The following CORO1C variants were observed in gnomAD, a reference collection of about 807,000 sequenced individuals.
CORO1C encodes the protein coronin 1C, also known as coronin-1C.
A neutral mutation model predicts 51.2 loss-of-function variants in CORO1C; 14 were observed. The ratio of observed to expected loss-of-function variants is 0.27; its 90% CI spans 0.18 to 0.43. CORO1C has a LOEUF of 0.43. Ranked by LOEUF, CORO1C falls within the 20% of genes least tolerant of loss-of-function variation. CORO1C has a pLI of 1.00. For synonymous variants in CORO1C, 181 were observed against 210.5 expected (o/e 0.86, Z 1.21); for missense variants, 417 against 607.8 (o/e 0.69, Z 3.30).
In CORO1C at chr12:108,657,331, G is replaced by A. The variant is rs757467310; in HGVS notation, c.723C>T (p.Ser241=). ...NVFTTGFSRM[S]ERQLALWNPK... is the part of the protein sequence containing the mutation. ...GATTCCAGAGAGCCAGCTGCCGCTC[G>A]CTCATGCGGCTGAACCCAGTGGTGA... Residue 241 remains serine (S), a synonymous_variant, in exon 6 of 11, where the codon AGC becomes AGT. Transcript: ENST00000261401. The A allele has an allele frequency of 9.3e-6, 15 of 1,613,754 alleles. No individual in the cohort carries two copies. Among genetic ancestry groups the A allele is most frequent in the African/African-American group, 2.7e-5 (2 of 74,934 alleles).
chr12:108,666,664 T>G (rs2033490810), intron 3 of CORO1C, among the ~76,000 whole-genome samples: 1 of 152,210 alleles, frequency 6.6e-6, no homozygotes, highest in African/African-American at 2.4e-5. Context: ...TAATATGGGA[T>G]GCTGGCCTGG....
chr12:108,678,645 G>C (rs2136833421), intron 2 of CORO1C, among the ~76,000 whole-genome samples: 1 of 138,868 alleles, frequency 7.2e-6, no homozygotes, highest in Non-Finnish European at 1.5e-5. Flanking sequence ...TAGCAAAAGA[G>C]AATATGAAAG....
rs927760270 is a variant in CORO1C, at chr12:108,674,512, C to T, written c.318+3760G>A. Among the ~76,000 whole-genome samples the T allele has an allele frequency of 2.7e-5, 4 of 149,436 alleles. No homozygotes were observed. In the Admixed American group the frequency reaches 2.7e-4, roughly 10 times the overall value. ...GCAGTGAGCCGAGATCGTACCACTGCGCTCCAGCCTGGGCGACAGAGCGAG... is the reference window on the plus strand; with the variant it reads ...GCAGTGAGCCGAGATCGTACCACTGTGCTCCAGCCTGGGCGACAGAGCGAG... On this transcript the variant is annotated intron_variant, in intron 3 of 10. Transcript: ENST00000261401.
chr12:108,663,722 G>C (rs1469273159), intron 3 of CORO1C, among the ~76,000 whole-genome samples: 1 of 152,128 alleles, frequency 6.6e-6, no homozygotes, highest in African/African-American at 2.4e-5. Context: ...AAAGGATTTG[G>C]GTTTCTATAT....
intron 3 of CORO1C, among the ~76,000 whole-genome samples, chr12:108,677,847 C>T (rs2033963253): frequency 6.6e-6 from 1 of 151,984 alleles, no homozygotes. Context: ...GGTGAAACCT[C>T]GTCTCTATTA....
At chr12:108,715,603 CAA>C (rs1028150127) in intron 1 of CORO1C, among the ~76,000 whole-genome samples, 1 of 151,962 alleles carries the variant, frequency 6.6e-6, no homozygotes, top group African/African-American at 2.4e-5. Context: ...CTTGGGAAGA[CAA>C]AGGCAGGCGC....
At chr12:108,669,738 A>G (rs1000310672) in intron 3 of CORO1C, among the ~76,000 whole-genome samples, 1 of 151,700 alleles carries the variant, frequency 6.6e-6, no homozygotes, top group Non-Finnish European at 1.5e-5. Flanking sequence ...GATCTATAAT[A>G]CAGTGTTCTT....
intron 1 of CORO1C, among the ~76,000 whole-genome samples, chr12:108,718,302 A>G (rs907366163): frequency 1.3e-5 from 2 of 151,426 alleles, no homozygotes; most frequent in Non-Finnish European, 2.9e-5. Flanking sequence ...TGGGAGGCGG[A>G]GCTTGCAGTG....
intron 1 of CORO1C, among the ~76,000 whole-genome samples, chr12:108,708,728 C>T (rs1356305589): frequency 6.6e-6 from 1 of 152,118 alleles, no homozygotes; most frequent in African/African-American, 2.4e-5. Flanking sequence ...TCCCAAAGTG[C>T]TGGGATTACG....
chr12:108,721,404 A>T (rs1241136939), intron 1 of CORO1C, among the ~76,000 whole-genome samples: 1 of 152,142 alleles, frequency 6.6e-6, no homozygotes, highest in Non-Finnish European at 1.5e-5. Flanking sequence ...TGACTCTCCA[A>T]CGCCTGTCTC....
intron 2 of CORO1C, among the ~76,000 whole-genome samples, chr12:108,692,835 T>C (rs976648952): frequency 7.0e-6 from 1 of 142,630 alleles, no homozygotes; most frequent in Non-Finnish European, 1.5e-5. Flanking sequence ...TCTTGCTCTG[T>C]CGCCCAGGCT....
intron 1 of CORO1C, among the ~76,000 whole-genome samples, chr12:108,705,035 T>C (rs2034987802): frequency 6.6e-6 from 1 of 152,176 alleles, no homozygotes; most frequent in Admixed American, 6.5e-5. Flanking sequence ...ACAAAATTAA[T>C]CACTCAATAA....
At chr12:108,710,852 G>A (rs368106069) in intron 1 of CORO1C, among the ~76,000 whole-genome samples, 5 of 152,020 alleles carry the variant, frequency 3.3e-5, no homozygotes, top group Non-Finnish European at 4.4e-5. Flanking sequence ...GTGAGCCACC[G>A]CGCCTGGCCT....
intron 1 of CORO1C, among the ~76,000 whole-genome samples, chr12:108,721,446 G>A (rs1327097750): frequency 6.6e-6 from 1 of 152,140 alleles, no homozygotes; most frequent in Non-Finnish European, 1.5e-5. Context: ...AGTCTATACT[G>A]CAGAATTCAC....
At chr12:108,687,617 T>G (rs2034342622) in intron 2 of CORO1C, among the ~76,000 whole-genome samples, 1 of 151,812 alleles carries the variant, frequency 6.6e-6, no homozygotes, top group Admixed American at 6.6e-5. Context: ...AAACTCCATC[T>G]TTACGAAAAT....
intron 1 of CORO1C, among the ~76,000 whole-genome samples, chr12:108,721,574 A>G (rs749794499): frequency 7.9e-5 from 12 of 152,204 alleles, no homozygotes; most frequent in Admixed American, 7.9e-4. Flanking sequence ...GTGAATACGA[A>G]TTTTTTAAAT....
At chr12:108,726,426 C>G (rs1447885297) in intron 1 of CORO1C, among the ~76,000 whole-genome samples, 4 of 92,960 alleles carry the variant, frequency 4.3e-5, no homozygotes, top group African/African-American at 1.6e-4. Flanking sequence ...GACTCTGTCT[C>G]AAAAAAAAAA....
chr12:108,719,229 T>G lies in CORO1C; in HGVS notation c.-6+12200A>C, dbSNP rs541299050. 6.6e-5 allele frequency among the ~76,000 whole-genome samples: 10 copies of G among 152,342 alleles called. No homozygotes were observed. The South Asian group carries it at 1.9e-3, about 28-fold the overall frequency. On this transcript the variant is annotated intron_variant, in intron 1 of 10. Transcript: ENST00000261401. The stretch of plus-strand genomic sequence containing the variant: ...TGAAAGTAGGACAAATAATTTTAAG[T>G]AGAAGGCCAGCAAAAAGATCCAGGG...
intron 3 of CORO1C, among the ~76,000 whole-genome samples, chr12:108,667,207 T>C (rs1016899085): frequency 6.6e-6 from 1 of 152,202 alleles, no homozygotes; most frequent in Admixed American, 6.5e-5. Context: ...TTCAAATTAA[T>C]TCAGCACTGT....
Sources: gnomAD v4.1 joint callset for allele counts (sites outside exome capture counted in the v4.1 genomes callset) on GRCh38, gnomAD v4.1.1 for gene constraint, MANE v1.5 for transcripts, NCBI Gene and HGNC (gene_info 2026-07-23, HGNC 2026-07-21) for gene names.